TTC28: variants seen among roughly 807,000 people sequenced by gnomAD.
TTC28 encodes the protein tetratricopeptide repeat domain 28.
In TTC28, 61 loss-of-function variants were observed where a neutral mutation model predicts 198.0. The ratio of observed to expected loss-of-function variants is 0.31; its 90% CI spans 0.25 to 0.38. The LOEUF (loss-of-function observed/expected upper bound fraction) is 0.38. Among genes scored for constraint, TTC28 ranks in the 10% least tolerant of loss-of-function variants. The probability of loss-of-function intolerance (pLI) is 1.00; values close to 1 mark genes in which losing one functional copy is unlikely to be tolerated. For missense variants in TTC28, 2,678 were observed against 3,164.0 expected, an observed-to-expected ratio of 0.85 and a Z score of 3.69; for synonymous variants, 1,171 against 1,297.8, an observed-to-expected ratio of 0.90 and a Z score of 2.10.
rs899710751 is a variant in TTC28 at position 28,163,489 on chromosome 22, T to C, written c.1044A>G (p.Lys348=). The C allele has an allele frequency of 6.4e-7, 1 of 1,551,762 alleles. No individual in the cohort carries two copies. Among genetic ancestry groups the C allele is most frequent in the East Asian group, 2.4e-5 (1 of 40,922 alleles). The change falls in exon 6 of 23, where the codon AAA becomes AAG. Residue 348 remains lysine, a synonymous_variant. Coordinates refer to ENST00000397906, the MANE Select transcript of TTC28 (RefSeq NM_001145418.2). The part of the protein sequence containing the change: ...KQCVLLAKQS[K]DELSEARELG... ...GTTCTCGGGCTTCAGAAAGTTCATC[T>C]TTGGATTGCTTGGCAAGAAGAACAC... is the stretch of plus-strand genomic sequence containing the variant.
At chr22:28,197,311 G>A (rs981539863) in intron 5 of TTC28, among the ~76,000 whole-genome samples, 5 of 151,596 alleles carry the variant, frequency 3.3e-5, no homozygotes, top group African/African-American at 1.2e-4. Flanking sequence ...AGCATTAAGA[G>A]ATATACCTAA....
intron 5 of TTC28, among the ~76,000 whole-genome samples, chr22:28,247,897 G>T (rs1008901329): frequency 2.0e-5 from 3 of 152,080 alleles, no homozygotes; most frequent in Admixed American, 1.3e-4. Context: ...GTCATTGAAG[G>T]GTTTAAGTAA....
intron 5 of TTC28, among the ~76,000 whole-genome samples, chr22:28,259,269 C>G (rs1931160669): frequency 6.6e-6 from 1 of 151,944 alleles, no homozygotes; most frequent in South Asian, 2.1e-4. Context: ...ATAGACTGTT[C>G]CTAGCCATAG....
chr22:27,980,302 A>G lies in TTC28; in HGVS notation c.*1919T>C, dbSNP rs1936968539. 1 of 152,150 alleles carries G rather than the reference A, an allele frequency of 6.6e-6. No individual in the cohort carries two copies. Among genetic ancestry groups the G allele is most frequent in the Non-Finnish European group, 1.5e-5 (1 of 68,010 alleles). 9.4% of individuals were successfully genotyped at this position (152,150 alleles called of 1,614,324 possible). A position where few individuals can be genotyped will look rare whatever the true frequency, so the allele number is the denominator to read the frequency against. On this transcript the variant is annotated 3_prime_UTR_variant, in exon 23 of 23. Coordinates refer to ENST00000397906, the MANE Select transcript of TTC28 (RefSeq NM_001145418.2). ...TACTTTTATTACCATTTTTTCCCCT[A>G]CTAACATAAAGAAACCCTCATAATT...
chr22:28,030,415 G>T, intron 12 of TTC28, 49 bp from the exon 13 acceptor site: 3 of 1,547,150 alleles, frequency 1.9e-6, no homozygotes, highest in Non-Finnish European at 2.6e-6. Context: ...GAAGCGCTGA[G>T]CTATGGAAGT....
chr22:28,537,303 T>TACTAAAAC (rs779564628), intron 2 of TTC28, among the ~76,000 whole-genome samples: 17 of 120,708 alleles, frequency 1.4e-4, no homozygotes, highest in South Asian at 2.3e-4. Flanking sequence ...AAAAATAAAA[T>TACTAAAAC]AAAATAAAAT....
At chr22:28,190,450 T>C (rs924584603) in intron 5 of TTC28, among the ~76,000 whole-genome samples, 6 of 152,210 alleles carry the variant, frequency 3.9e-5, no homozygotes, top group African/African-American at 1.2e-4. Flanking sequence ...CTGAAGTTAT[T>C]TGGATTCCTC....
chr22:28,271,311 A>T (rs1258084619), intron 5 of TTC28, among the ~76,000 whole-genome samples: 1 of 152,130 alleles, frequency 6.6e-6, no homozygotes, highest in African/African-American at 2.4e-5. Flanking sequence ...CTGTACCTTT[A>T]TTCTTCTCTG....
intron 1 of TTC28, among the ~76,000 whole-genome samples, chr22:28,644,534 A>C (rs929164787): frequency 6.6e-6 from 1 of 150,428 alleles, no homozygotes; most frequent in Non-Finnish European, 1.5e-5. Flanking sequence ...CCATTTAAAA[A>C]TGTTCCAGGC....
chr22:28,297,863 A>C lies in TTC28; in HGVS notation c.530-11T>G. The C allele has an allele frequency of 6.5e-7, 1 of 1,550,022 alleles. No individual in the cohort carries two copies. The highest frequency in any genetic ancestry group is 8.7e-7 in the Non-Finnish European group (1 of 1,146,284). On this transcript the variant is annotated splice_polypyrimidine_tract_variant and intron_variant, in intron 3 of 22. Transcript: ENST00000397906. ...TGGGCTCGAGGGAGTCTGAAAATAA[A>C]CAACAATAACAGCAACATAACAGGA...
At chr22:28,412,816 G>A (rs1353595659) in intron 2 of TTC28, among the ~76,000 whole-genome samples, 2 of 152,190 alleles carry the variant, frequency 1.3e-5, no homozygotes, top group African/African-American at 4.8e-5. Flanking sequence ...GGGCTGCAGA[G>A]ACAGGAATGT....
chr22:28,647,670 T>C (rs2051491637), intron 1 of TTC28, among the ~76,000 whole-genome samples: 1 of 150,748 alleles, frequency 6.6e-6, no homozygotes, highest in African/African-American at 2.4e-5. Context: ...AAACCCCGTC[T>C]CTACTAAAAA....
chr22:28,520,138 G>A (rs2048874228), intron 2 of TTC28, among the ~76,000 whole-genome samples: 1 of 151,934 alleles, frequency 6.6e-6, no homozygotes. Context: ...ATACAATCTC[G>A]GTTTGAGTCC....
chr22:28,643,802 G>A (rs1005092900), intron 1 of TTC28, among the ~76,000 whole-genome samples: 7 of 152,078 alleles, frequency 4.6e-5, no homozygotes, highest in Non-Finnish European at 1.0e-4. Context: ...ATCCAAATAA[G>A]GATAAGAATT....
intron 5 of TTC28, among the ~76,000 whole-genome samples, chr22:28,235,617 T>C (rs1430706076): frequency 6.6e-6 from 1 of 152,138 alleles, no homozygotes; most frequent in Non-Finnish European, 1.5e-5. Context: ...GAATAGAACA[T>C]GAAGTCCAGA....
intron 1 of TTC28, among the ~76,000 whole-genome samples, chr22:28,670,098 T>TGGG (rs34145718): frequency 4.4e-5 from 6 of 136,546 alleles, no homozygotes; most frequent in African/African-American, 1.3e-4. Flanking sequence ...AAAATAAAAA[T>TGGG]GGGGGGGGGG....
chr22:28,367,462 A>C (rs1210990384), intron 2 of TTC28, among the ~76,000 whole-genome samples: 1 of 152,022 alleles, frequency 6.6e-6, no homozygotes, highest in East Asian at 1.9e-4. Context: ...ATTTATGACT[A>C]TAAGTGCTGA....
intron 2 of TTC28, among the ~76,000 whole-genome samples, chr22:28,499,231 G>A (rs1181357986): frequency 1.3e-5 from 2 of 152,092 alleles, no homozygotes; most frequent in African/African-American, 2.4e-5. Flanking sequence ...TCCCTTGCAA[G>A]ATTAATGGTC....
At position 28,451,496 on chromosome 22, in the gene TTC28, C is replaced by T. The variant is rs189084845; in HGVS notation, c.382-144853G>A. On this transcript the variant is annotated intron_variant, in intron 2 of 22. Coordinates refer to ENST00000397906, the MANE Select transcript of TTC28 (RefSeq NM_001145418.2). ...AATACAGTAAGTCTTCACTTAATGTCATAGATAGGTTTTTGGAACTGCAAC... is the reference window on the plus strand; with the variant it reads ...AATACAGTAAGTCTTCACTTAATGTTATAGATAGGTTTTTGGAACTGCAAC... Among the ~76,000 whole-genome samples the T allele has an allele frequency of 9.2e-5, 14 of 152,296 alleles. 1 individual carries two copies. The highest frequency in any genetic ancestry group is 2.9e-4 in the African/African-American group (12 of 41,560).
Sources: allele counts gnomAD v4.1 joint callset (sites outside exome capture counted in the v4.1 genomes callset), GRCh38; gene constraint gnomAD v4.1.1; transcripts MANE v1.5; gene names NCBI Gene and HGNC (gene_info 2026-07-23, HGNC 2026-07-21).